The following TTC7B variants were observed in gnomAD, a reference collection of about 807,000 sequenced individuals.
The protein encoded by TTC7B is tetratricopeptide repeat protein 7B.
In TTC7B, 28 loss-of-function variants were observed where a neutral mutation model predicts 106.8. That is an observed-to-expected ratio of 0.26 (90% CI 0.19 to 0.36). TTC7B has a LOEUF of 0.36. Among genes scored for constraint, TTC7B ranks in the 10% least tolerant of loss-of-function variants. The pLI is 1.00. For synonymous variants in TTC7B, 405 were observed against 430.6 expected, an observed-to-expected ratio of 0.94 and a Z score of 0.74; for missense variants, 862 against 1,076.4, an observed-to-expected ratio of 0.80 and a Z score of 2.79.
intron 19 of TTC7B, among the ~76,000 whole-genome samples, chr14:90,573,278 T>C (rs572264122): frequency 6.6e-6 from 1 of 152,304 alleles, no homozygotes; most frequent in South Asian, 2.1e-4. Context: ...GTTCTCCTCC[T>C]TCCCCACTGC....
intron 3 of TTC7B, among the ~76,000 whole-genome samples, chr14:90,751,361 A>G (rs1029769701): frequency 3.9e-5 from 6 of 152,256 alleles, no homozygotes; most frequent in African/African-American, 1.4e-4. Context: ...AGATAAACTC[A>G]CTTCTGAAAT....
At chr14:90,595,032 C>T (rs2139823786) in intron 17 of TTC7B, among the ~76,000 whole-genome samples, 1 of 152,278 alleles carries the variant, frequency 6.6e-6, no homozygotes, top group African/African-American at 2.4e-5. Flanking sequence ...AACTCAGAGG[C>T]TGAGTTAAAA....
At chr14:90,770,977 A>G (rs1890844949) in intron 3 of TTC7B, among the ~76,000 whole-genome samples, 1 of 152,190 alleles carries the variant, frequency 6.6e-6, no homozygotes, top group Non-Finnish European at 1.5e-5. Context: ...CTCCACTTAT[A>G]TGAGCTACCT....
At chr14:90,718,316 C>T (rs1449158975) in intron 5 of TTC7B, among the ~76,000 whole-genome samples, 1 of 152,242 alleles carries the variant, frequency 6.6e-6, no homozygotes, top group African/African-American at 2.4e-5. Flanking sequence ...CAAACTTCCA[C>T]TGGGCTAGGA....
intron 11 of TTC7B, 105 bp from the exon 12 acceptor site, chr14:90,655,215 A>C (rs1885897427): frequency 2.5e-6 from 2 of 793,256 alleles, no homozygotes; most frequent in Non-Finnish European, 4.4e-6. Flanking sequence ...AGTCACTTTG[A>C]AAATGACTCT....
At chr14:90,584,990 TC>T (rs909459437) in intron 18 of TTC7B, among the ~76,000 whole-genome samples, 3 of 152,178 alleles carry the variant, frequency 2.0e-5, no homozygotes, top group African/African-American at 7.2e-5. Context: ...CTGTCGGCTC[TC>T]ACTGGACTTA....
Position 90,530,697 on chromosome 14 carries a change from C to A in TTC7B, c.*10671G>T, listed in dbSNP as rs1364228020. On this transcript the variant is annotated 3_prime_UTR_variant, in exon 20 of 20. Transcript: ENST00000328459. ...TGAACATGGCCATGAGCCAAGCACA[C>A]CCCTGAGAAACTGGAAAGGGCAAAG... The A allele has an allele frequency of 6.6e-6, 1 of 152,220 alleles. No individual in the cohort carries two copies. The highest frequency in any genetic ancestry group is 2.4e-5 in the African/African-American group (1 of 41,454). The allele number at this position is 152,220 out of a possible 1,614,324, so 9.4% of individuals were successfully genotyped here.
intron 5 of TTC7B, chr14:90,699,493 C>T (rs912241320): frequency 6.3e-6 from 2 of 319,156 alleles, no homozygotes; most frequent in African/African-American, 4.5e-5. Context: ...GGCACCAATA[C>T]ACTTAAATTC....
intron 1 of TTC7B, among the ~76,000 whole-genome samples, chr14:90,799,565 A>G (rs74085563): frequency 0.01 from 1,584 of 152,228 alleles, 32 homozygotes; most frequent in African/African-American, 0.037. Flanking sequence ...GAGGAGATGG[A>G]GTCAGTCATG....
intron 15 of TTC7B, among the ~76,000 whole-genome samples, 200 bp from the exon 16 acceptor site, chr14:90,618,245 G>T (rs548563341): frequency 6.6e-6 from 1 of 152,346 alleles, no homozygotes; most frequent in East Asian, 1.9e-4. Flanking sequence ...CACCACTAAC[G>T]CAAATGCAAG....
Position 90,525,757 on chromosome 14 carries a change from C to T in TTC7B, c.*15611G>A, listed in dbSNP as rs970074445. On this transcript the variant is annotated 3_prime_UTR_variant, in exon 20 of 20. Coordinates refer to ENST00000328459, the MANE Select transcript of TTC7B (RefSeq NM_001010854.2). Reference sequence around the variant, plus strand: ...CCCGAATAATACAATAAGAATAAAACCCAACGACAAAGGCCCTCTCTAACC... The same window carrying T: ...CCCGAATAATACAATAAGAATAAAATCCAACGACAAAGGCCCTCTCTAACC... 1.4e-5 allele frequency: 2 copies of T among 147,958 alleles called. No homozygotes were observed. The highest frequency in any genetic ancestry group is 3.0e-5 in the Non-Finnish European group (2 of 67,084). 9.2% of individuals were successfully genotyped at this position (147,958 alleles called of 1,614,324 possible). A position where few individuals can be genotyped will look rare whatever the true frequency, so the allele number is the denominator to read the frequency against.
intron 15 of TTC7B, among the ~76,000 whole-genome samples, chr14:90,642,276 G>A (rs1260641858): frequency 1.3e-5 from 2 of 152,178 alleles, no homozygotes; most frequent in South Asian, 2.1e-4. Flanking sequence ...GAATTCTCTC[G>A]ATGGGAAGAA....
At chr14:90,665,959 G>T (rs1172690110) in intron 9 of TTC7B, among the ~76,000 whole-genome samples, 2 of 152,092 alleles carry the variant, frequency 1.3e-5, no homozygotes, top group Non-Finnish European at 2.9e-5. Context: ...CAGACATTTT[G>T]GGCCATCACC....
Position 90,537,214 on chromosome 14 carries a change from G to C in TTC7B, c.*4154C>G, listed in dbSNP as rs1482054148. On this transcript the variant is annotated 3_prime_UTR_variant, in exon 20 of 20. Coordinates refer to ENST00000328459, the MANE Select transcript of TTC7B (RefSeq NM_001010854.2). ...TTAATTTATTTTATTTGTAGAGATAGGGTCTTGCTCTCTCATGCAGGCTGG... is the reference window on the plus strand; with the variant it reads ...TTAATTTATTTTATTTGTAGAGATACGGTCTTGCTCTCTCATGCAGGCTGG... 1.3e-5 allele frequency: 2 copies of C among 152,220 alleles called. No individual in the cohort carries two copies. The highest frequency in any genetic ancestry group is 2.4e-5 in the African/African-American group (1 of 41,446). 9.4% of individuals were successfully genotyped at this position (152,220 alleles called of 1,614,324 possible).
At chr14:90,730,677 A>G (rs1889291432) in intron 4 of TTC7B, among the ~76,000 whole-genome samples, 1 of 152,188 alleles carries the variant, frequency 6.6e-6, no homozygotes, top group East Asian at 1.9e-4. Context: ...TAGCCCTGGA[A>G]TCAACCAGAA....
intron 17 of TTC7B, chr14:90,603,311 C>A (rs981137928): frequency 5.4e-6 from 7 of 1,286,946 alleles, no homozygotes; most frequent in South Asian, 2.5e-5. Flanking sequence ...TGCCTTGGAA[C>A]AACAGATCAA....
At chr14:90,788,524 C>T (rs898530439) in intron 1 of TTC7B, among the ~76,000 whole-genome samples, 5 of 151,998 alleles carry the variant, frequency 3.3e-5, no homozygotes, top group African/African-American at 4.8e-5. Context: ...GGAGGAGCTT[C>T]GGAGTGTCAT....
At chr14:90,793,094 T>A (rs1384465108) in intron 1 of TTC7B, among the ~76,000 whole-genome samples, 1 of 151,722 alleles carries the variant, frequency 6.6e-6, no homozygotes, top group Non-Finnish European at 1.5e-5. Flanking sequence ...GTTTTATAAG[T>A]GGTGATTTCC....
At chr14:90,558,099 G>A (rs1335494327) in intron 19 of TTC7B, among the ~76,000 whole-genome samples, 1 of 152,244 alleles carries the variant, frequency 6.6e-6, no homozygotes, top group Non-Finnish European at 1.5e-5. Context: ...TTATTTCCCA[G>A]CTGTGCTGCA....
Sources: gnomAD v4.1 joint callset for allele counts (sites outside exome capture counted in the v4.1 genomes callset) on GRCh38, gnomAD v4.1.1 for gene constraint, MANE v1.5 for transcripts, NCBI Gene and HGNC (gene_info 2026-07-23, HGNC 2026-07-21) for gene names.